The following MED22 variants were observed in gnomAD, a reference collection of about 807,000 sequenced individuals.
MED22 encodes the protein mediator complex subunit 22, also known as mediator of RNA polymerase II transcription subunit 22.
A neutral mutation model predicts 22.7 loss-of-function variants in MED22; 22 were observed. The ratio of observed to expected loss-of-function variants is 0.97; its 90% CI spans 0.69 to 1.38. The LOEUF is 1.38. Among genes scored for constraint, MED22 ranks in the 40% most tolerant of loss-of-function variants. The pLI is 0.00. For missense variants in MED22, 247 were observed against 263.0 expected (o/e 0.94, Z 0.42); for synonymous variants, 134 against 119.4 (o/e 1.12, Z -0.80).
At position 133,344,315 on chromosome 9, in the gene MED22, G is replaced by A; in HGVS notation, c.223C>T (p.Leu75=). Residue 75 remains leucine, a synonymous_variant, in exon 4 of 5, where the codon CTG becomes TTG. Transcript: ENST00000343730. The part of the protein sequence containing the change: ...AANIVRAGES[L]MKLVSDLKQF... ...TTGAGGTCGGACACCAGCTTCATCA[G>A]GGACTCGCCGGCTCGGACCTGTGGC... 1 of 1,614,086 alleles carries A rather than the reference G, an allele frequency of 6.2e-7. No homozygotes were observed.
chr9:133,346,479 C>T, intron 2 of MED22, 61 bp downstream of exon 2: 2 of 1,601,436 alleles, frequency 1.2e-6, no homozygotes, highest in African/African-American at 1.3e-5. Context: ...CAGCCCCTGG[C>T]CTCTCCTGTC....
chr9:133,348,083 A>G lies in MED22; in HGVS notation c.-200T>C. On this transcript the variant is annotated 5_prime_UTR_variant, in exon 1 of 5. Coordinates refer to ENST00000343730, the MANE Select transcript of MED22 (RefSeq NM_133640.5). The stretch of plus-strand genomic sequence containing the variant: ...CGCGCCGCGGTCCGAAAACCTAGTC[A>G]GCCGCCGCAGCCTCTCGGCCCCGCC... 3.9e-6 allele frequency: 4 copies of G among 1,030,924 alleles called. No individual in the cohort carries two copies. Among genetic ancestry groups the G allele is most frequent in the East Asian group, 2.4e-5 (1 of 41,070 alleles). The allele number at this position is 1,030,924 out of a possible 1,614,324, so 63.9% of individuals were successfully genotyped here. A position where few individuals can be genotyped will look rare whatever the true frequency, so the allele number is the denominator to read the frequency against.
rs2129969334 is a variant in MED22, at chr9:133,346,654, C to A, written c.9G>T (p.Gln3His). The A allele has an allele frequency of 6.2e-7, 1 of 1,611,940 alleles. No homozygotes were observed. Among genetic ancestry groups the A allele is most frequent in the Non-Finnish European group, 8.5e-7 (1 of 1,179,968 alleles). Residue 3 changes from glutamine to histidine, a missense_variant, in exon 2 of 5, where the codon CAG becomes CAT. Physicochemically the swap from Gln to His is conservative, Grantham distance 24. Transcript: ENST00000343730. Reference sequence around the variant, plus strand: ...CCTTGCTCTGGGGCAGGGCTCTCTGCTGGGCCATGGCCGAGCCTCAAGCAG... The same window carrying A: ...CCTTGCTCTGGGGCAGGGCTCTCTGATGGGCCATGGCCGAGCCTCAAGCAG... MAQQRALPQSKET... is the reference protein window; with the variant it reads MAHQRALPQSKET...
chr9:133,346,147 G>A (rs2129967344), intron 2 of MED22, among the ~76,000 whole-genome samples: 5 of 152,214 alleles, frequency 3.3e-5, no homozygotes, highest in Non-Finnish European at 7.3e-5. Context: ...TGTAGCTGCA[G>A]TGGTCAGCAG....
intron 2 of MED22, among the ~76,000 whole-genome samples, chr9:133,345,473 T>G (rs1416473342): frequency 6.6e-6 from 1 of 152,164 alleles, no homozygotes; most frequent in Non-Finnish European, 1.5e-5. Flanking sequence ...AACATGCACC[T>G]TTGCTCAAGA....
Position 133,341,450 on chromosome 9 carries a change from A to G in MED22, c.*55T>C. 6.9e-7 allele frequency: 1 copy of G among 1,439,762 alleles called. No individual in the cohort carries two copies. The highest frequency in any genetic ancestry group is 9.1e-7 in the Non-Finnish European group (1 of 1,101,896). 89.2% of individuals were successfully genotyped at this position (1,439,762 alleles called of 1,614,324 possible). On this transcript the variant is annotated 3_prime_UTR_variant, in exon 5 of 5. Coordinates refer to ENST00000343730, the MANE Select transcript of MED22 (RefSeq NM_133640.5). ...CTGAGAGAAGCAAGGCTGTGAGGGC[A>G]TCCAAAGGGCTGCCTCAGGTTTTGT...
rs1836149345 is a variant in MED22 at position 133,345,303 on chromosome 9, CCCCTGGCCCGG to C, written c.124-62_124-52del. 3 of 1,564,902 alleles carry C rather than the reference CCCCTGGCCCGG, an allele frequency of 1.9e-6. No homozygotes were observed. In the African/African-American group the frequency reaches 4.7e-5, roughly 25 times the overall value. On this transcript the variant is annotated intron_variant, in intron 2 of 4. Coordinates refer to ENST00000343730, the MANE Select transcript of MED22 (RefSeq NM_133640.5). The stretch of plus-strand genomic sequence containing the variant: ...AATCAACCCAGCCAAGGCATCCCCA[CCCCTGGCCCGG>C]CCCAGCCCAGCTTACGGTAACTGTC...
chr9:133,344,096 C>A, intron 4 of MED22, 29 bp downstream of exon 4: 1 of 1,612,026 alleles, frequency 6.2e-7, no homozygotes, highest in South Asian at 1.1e-5. Flanking sequence ...GGCTCCCGCT[C>A]TGCATGGGGA....
chr9:133,338,928 A>G lies in MED22; in HGVS notation c.*2577T>C, dbSNP rs1055079189. The G allele has an allele frequency of 5.2e-6, 3 of 581,296 alleles. No individual in the cohort carries two copies. Among genetic ancestry groups the G allele is most frequent in the Admixed American group, 3.9e-5 (2 of 51,182 alleles). 36.0% of individuals were successfully genotyped at this position (581,296 alleles called of 1,614,324 possible). A position where few individuals can be genotyped will look rare whatever the true frequency, so the allele number is the denominator to read the frequency against. On this transcript the variant is annotated 3_prime_UTR_variant, in exon 5 of 5. Transcript: ENST00000343730. The stretch of plus-strand genomic sequence containing the variant: ...CCAAAATAACAACCAAATGCAACAC[A>G]CAATAAAAACAGGCATAAAAGCCTT...
At chr9:133,343,895 C>G in intron 4 of MED22, 3 of 1,427,952 alleles carry the variant, frequency 2.1e-6, no homozygotes, top group Non-Finnish European at 2.7e-6. Context: ...TGGCGTGAGT[C>G]CTGTGGTTTT....
rs2129960551 is a variant in MED22, at chr9:133,344,213, G to GCGAC, written c.324_325insGTCG (p.Gln109ValfsTer19). 1 of 1,614,232 alleles carries GCGAC rather than the reference G, an allele frequency of 6.2e-7. No individual in the cohort carries two copies. The highest frequency in any genetic ancestry group is 1.3e-5 in the African/African-American group (1 of 75,074). On this transcript the variant is annotated frameshift_variant, in exon 4 of 5. Transcript: ENST00000343730. LOFTEE classifies it high-confidence loss of function. ...ATGAGCTTCCGGTCGCACTCCTCCT[G>GCGAC]CAGTGTGCGCAGCTGCTGGTTGCGC... is the stretch of plus-strand genomic sequence containing the variant.
chr9:133,344,811 A>G (rs1296469397), intron 3 of MED22, among the ~76,000 whole-genome samples: 2 of 152,180 alleles, frequency 1.3e-5, no homozygotes, highest in Non-Finnish European at 2.9e-5. Flanking sequence ...TGGCGCCTAC[A>G]GTTCCATTCG....
At chr9:133,344,771 G>A (rs2129962786) in intron 3 of MED22, among the ~76,000 whole-genome samples, 1 of 152,176 alleles carries the variant, frequency 6.6e-6, no homozygotes, top group African/African-American at 2.4e-5. Context: ...TCTGCTTGCT[G>A]TGTTTCTCCT....
intron 3 of MED22, 110 bp downstream of exon 3, chr9:133,345,062 C>A: frequency 1.9e-6 from 2 of 1,047,608 alleles, no homozygotes; most frequent in Non-Finnish European, 2.9e-6. Context: ...TGCTCCTTCT[C>A]GGGGGAAGAA....
chr9:133,343,780 G>A (rs1836085574), intron 4 of MED22: 2 of 1,356,622 alleles, frequency 1.5e-6, no homozygotes, highest in Non-Finnish European at 1.9e-6. Context: ...GGTAACAGGA[G>A]CAGCACAGCC....
intron 4 of MED22, 90 bp from the exon 5 acceptor site, chr9:133,341,784 G>C: frequency 2.0e-6 from 3 of 1,530,030 alleles, no homozygotes; most frequent in Non-Finnish European, 2.6e-6. Context: ...GCAGAGTTAA[G>C]AAAACACGAC....
chr9:133,346,407 T>C, intron 2 of MED22, 133 bp downstream of exon 2: 1 of 1,142,444 alleles, frequency 8.8e-7, no homozygotes, highest in Non-Finnish European at 1.3e-6. Context: ...TTTGCTTATC[T>C]ACTGACCAGC....
chr9:133,348,042 A>G lies in MED22; in HGVS notation c.-159T>C. The G allele has an allele frequency of 1.4e-6, 1 of 701,418 alleles. No individual in the cohort carries two copies. Among genetic ancestry groups the G allele is most frequent in the Admixed American group, 2.3e-5 (1 of 43,168 alleles). The allele number at this position is 701,418 out of a possible 1,614,324, so 43.4% of individuals were successfully genotyped here. On this transcript the variant is annotated 5_prime_UTR_variant, in exon 1 of 5. Coordinates refer to ENST00000343730, the MANE Select transcript of MED22 (RefSeq NM_133640.5). ...TCCCACGGCCTGGCCCTCCCGCCGCAGTCTCTCTTCCCCGCCGCGCCGCGG... is the reference window on the plus strand; with the variant it reads ...TCCCACGGCCTGGCCCTCCCGCCGCGGTCTCTCTTCCCCGCCGCGCCGCGG...
Position 133,339,533 on chromosome 9 carries a change from G to GAGGCC in MED22, c.*1971_*1972insGGCCT. ...AAAATAGGCATTAAAAAAACTATTT[G>GAGGCC]GGGAACAACTGAAGAAATCTGAATA... On this transcript the variant is annotated 3_prime_UTR_variant, in exon 5 of 5. Coordinates refer to ENST00000343730, the MANE Select transcript of MED22 (RefSeq NM_133640.5). 1 of 546,262 alleles carries GAGGCC rather than the reference G, an allele frequency of 1.8e-6. No homozygotes were observed. The allele number at this position is 546,262 out of a possible 1,614,324, so 33.8% of individuals were successfully genotyped here. A position where few individuals can be genotyped will look rare whatever the true frequency, so the allele number is the denominator to read the frequency against.
Sources: allele counts gnomAD v4.1 joint callset (sites outside exome capture counted in the v4.1 genomes callset), GRCh38; gene constraint gnomAD v4.1.1; transcripts MANE v1.5; gene names NCBI Gene and HGNC (gene_info 2026-07-23, HGNC 2026-07-21).